Variants in MSMO1 observed in about 807,000 individuals in gnomAD.
The protein encoded by MSMO1 is C-4 methylsterol oxidase.
In MSMO1, 18 loss-of-function variants were observed where a neutral mutation model predicts 30.4. That is an observed-to-expected ratio of 0.59 (90% CI 0.41 to 0.88). The LOEUF is 0.88. Ranked by LOEUF, MSMO1 falls within the 40% of genes least tolerant of loss-of-function variation. MSMO1 has a pLI of 0.00. For missense variants in MSMO1, 284 were observed against 340.5 expected (o/e 0.83, Z 1.31); for synonymous variants, 84 against 107.9 (o/e 0.78, Z 1.37).
chr4:165,341,515 T>G (rs1237161268), intron 5 of MSMO1, among the ~76,000 whole-genome samples: 1 of 152,098 alleles, frequency 6.6e-6, no homozygotes. Flanking sequence ...CATTCATATA[T>G]TTTATCATAA....
intron 1 of MSMO1, among the ~76,000 whole-genome samples, chr4:165,328,908 G>T (rs1747310604): frequency 6.6e-6 from 1 of 152,186 alleles, no homozygotes; most frequent in Non-Finnish European, 1.5e-5. Flanking sequence ...GGCATTAAAG[G>T]AGGCCTAGTA....
At chr4:165,339,814 C>T (rs1747667260) in intron 4 of MSMO1, among the ~76,000 whole-genome samples, 2 of 152,174 alleles carry the variant, frequency 1.3e-5, no homozygotes, top group African/African-American at 4.8e-5. Context: ...GGAATCAGCT[C>T]ATGCAAGTGT....
chr4:165,329,316 T>C (rs1432185312), intron 1 of MSMO1, among the ~76,000 whole-genome samples: 1 of 152,142 alleles, frequency 6.6e-6, no homozygotes, highest in Non-Finnish European at 1.5e-5. Context: ...TCAGTTTAGA[T>C]AGCACCTTTC....
chr4:165,331,903 C>G (rs1346965084), intron 1 of MSMO1, among the ~76,000 whole-genome samples: 3 of 151,508 alleles, frequency 2.0e-5, no homozygotes, highest in African/African-American at 7.3e-5. Context: ...TTTTTTCTGT[C>G]TTCCATAACA....
intron 5 of MSMO1, 72 bp from the exon 6 acceptor site, chr4:165,341,679 T>C: frequency 7.2e-7 from 1 of 1,388,054 alleles, no homozygotes; most frequent in Admixed American, 1.7e-5. Context: ...TGTGAACACA[T>C]GATTATTAAT....
At chr4:165,329,269 T>A (rs1286153895) in intron 1 of MSMO1, among the ~76,000 whole-genome samples, 1 of 152,130 alleles carries the variant, frequency 6.6e-6, no homozygotes, top group Non-Finnish European at 1.5e-5. Flanking sequence ...CCTCACTCTA[T>A]TTTTTAATTT....
intron 2 of MSMO1, 132 bp downstream of exon 2, chr4:165,333,757 A>G: frequency 9.7e-7 from 1 of 1,029,580 alleles, no homozygotes; most frequent in Non-Finnish European, 1.3e-6. Flanking sequence ...ATGTAATTTT[A>G]AATTTTCTAG....
chr4:165,331,797 A>AT (rs1747397036), intron 1 of MSMO1, among the ~76,000 whole-genome samples: 1 of 152,206 alleles, frequency 6.6e-6, no homozygotes, highest in African/African-American at 2.4e-5. Flanking sequence ...TGAGAAGTTT[A>AT]TTTTTTGGTT....
At chr4:165,331,541 T>C (rs563901011) in intron 1 of MSMO1, among the ~76,000 whole-genome samples, 16 of 152,186 alleles carry the variant, frequency 1.1e-4, no homozygotes, top group Admixed American at 3.3e-4. Flanking sequence ...TGTAAGTCAT[T>C]TGAGATGAGT....
chr4:165,329,760 C>A (rs762374346), intron 1 of MSMO1, among the ~76,000 whole-genome samples: 2 of 151,376 alleles, frequency 1.3e-5, no homozygotes, highest in Non-Finnish European at 2.9e-5. Context: ...TCAGCCTCCC[C>A]AGTAGGTGGA....
intron 3 of MSMO1, among the ~76,000 whole-genome samples, chr4:165,338,306 GTA>G (rs72119405): frequency 0.04 from 3,333 of 83,230 alleles, 100 homozygotes; most frequent in African/African-American, 0.14. Flanking sequence ...ATATGTATGT[GTA>G]TATATATATA....
chr4:165,340,503 CAT>C, intron 5 of MSMO1, 128 bp downstream of exon 5: 2 of 803,492 alleles, frequency 2.5e-6, no homozygotes, highest in Non-Finnish European at 4.0e-6. Flanking sequence ...ATTAAGAAAA[CAT>C]AACTGTTGGA....
At chr4:165,339,964 CCTT>C (rs2126627899) in intron 4 of MSMO1, among the ~76,000 whole-genome samples, 1 of 152,292 alleles carries the variant, frequency 6.6e-6, no homozygotes, top group Non-Finnish European at 1.5e-5. Context: ...TCTCGAGAAT[CCTT>C]CTTCAGGAAA....
At chr4:165,341,189 CTT>C (rs1394835764) in intron 5 of MSMO1, among the ~76,000 whole-genome samples, 3 of 152,066 alleles carry the variant, frequency 2.0e-5, no homozygotes, top group Non-Finnish European at 4.4e-5. Flanking sequence ...AAATGGGACT[CTT>C]TTTTGAAGCC....
In MSMO1 at chr4:165,340,320, A is replaced by G. The variant is rs1440432068; in HGVS notation, c.631A>G (p.Ile211Val). The change falls in exon 5 of 6, where the codon ATT becomes GTT. Residue 211 changes from isoleucine (I) to valine (V), a missense_variant. Ile to Val is a conservative substitution (Grantham distance 29). Transcript: ENST00000261507. ...IGIVLLCDHVILLWAWVTIRL... is the reference protein window; with the variant it reads ...IGIVLLCDHVVLLWAWVTIRL... ...AATCGTGCTTTTGTGTGATCATGTA[A>G]TTCTTCTTTGGGCATGGGTGACCAT... The G allele has an allele frequency of 6.2e-7, 1 of 1,613,898 alleles. No individual in the cohort carries two copies. Among genetic ancestry groups the G allele is most frequent in the Admixed American group, 1.7e-5 (1 of 60,016 alleles).
In MSMO1 at chr4:165,340,098, C is replaced by T; in HGVS notation, c.532-123C>T. The stretch of plus-strand genomic sequence containing the variant: ...GTTAACAACATCTAAAAAATACCTT[C>T]ACAACAACATCTAGACTGGTATTTA... On this transcript the variant is annotated intron_variant, in intron 4 of 5. Coordinates refer to ENST00000261507, the MANE Select transcript of MSMO1 (RefSeq NM_006745.5). 3 of 807,938 alleles carry T rather than the reference C, an allele frequency of 3.7e-6. 1 individual carries two copies. The highest frequency in any genetic ancestry group is 4.5e-5 in the Admixed American group (2 of 44,526). The allele number at this position is 807,938 out of a possible 1,614,324, so 50.0% of individuals were successfully genotyped here.
intron 1 of MSMO1, among the ~76,000 whole-genome samples, chr4:165,332,053 A>G (rs1050978804): frequency 3.3e-5 from 5 of 149,804 alleles, no homozygotes; most frequent in Admixed American, 3.3e-4. Flanking sequence ...ACTCTCCCCT[A>G]CCCCGCCACG....
intron 2 of MSMO1, 86 bp from the exon 3 acceptor site, chr4:165,337,703 G>A: frequency 7.5e-7 from 1 of 1,337,600 alleles, no homozygotes; most frequent in Non-Finnish European, 1.1e-6. Context: ...GTAGAATTAA[G>A]GTCCAACATA....
intron 2 of MSMO1, among the ~76,000 whole-genome samples, chr4:165,335,306 A>G (rs924090961): frequency 3.3e-5 from 5 of 152,180 alleles, no homozygotes; most frequent in Admixed American, 3.3e-4. Context: ...TCTGGGGATA[A>G]TGCAGGGGTC....
Sources: allele counts gnomAD v4.1 joint callset (sites outside exome capture counted in the v4.1 genomes callset), GRCh38; gene constraint gnomAD v4.1.1; transcripts MANE v1.5; gene names NCBI Gene and HGNC (gene_info 2026-07-23, HGNC 2026-07-21).